WWOX: variants seen among roughly 807,000 people sequenced by gnomAD.
WWOX encodes the protein WW domain containing oxidoreductase.
Under a neutral mutation model 46.2 loss-of-function variants are expected in WWOX, and 69 were observed. The ratio of observed to expected loss-of-function variants is 1.49; its 90% CI spans 1.23 to 1.82. WWOX has a LOEUF of 1.82. Among genes scored for constraint, WWOX ranks in the 40% most tolerant of loss-of-function variants. WWOX has a pLI of 0.00. For synonymous variants in WWOX, 359 were observed against 202.6 expected (o/e 1.77, Z -6.56); for missense variants, 919 against 542.6 (o/e 1.69, Z -6.89).
intron 8 of WWOX, chr16:78,496,116 C>A (rs2738725): frequency 0.076 from 11,598 of 152,184 alleles, 462 homozygotes; most frequent in African/African-American, 0.087. Flanking sequence ...GCTTTACTGA[C>A]TGCCCTCATT....
chr16:78,472,961 C>T (rs1014467450), intron 8 of WWOX, among the ~76,000 whole-genome samples: 6 of 152,108 alleles, frequency 3.9e-5, no homozygotes, highest in African/African-American at 1.4e-4. Context: ...GCCCTTGGGC[C>T]AAATCTGATC....
chr16:78,847,072 T>C (rs1449212591), intron 8 of WWOX, among the ~76,000 whole-genome samples: 1 of 152,250 alleles, frequency 6.6e-6, no homozygotes, highest in African/African-American at 2.4e-5. Flanking sequence ...CACTTTCTTA[T>C]TTTTTGGCAC....
intron 6 of WWOX, among the ~76,000 whole-genome samples, chr16:78,403,785 C>A (rs1490977629): frequency 6.6e-6 from 1 of 152,196 alleles, no homozygotes; most frequent in Non-Finnish European, 1.5e-5. Flanking sequence ...TAGGCATTGT[C>A]AAGTAATTTA....
At chr16:79,071,774 C>G (rs976772471) in intron 8 of WWOX, among the ~76,000 whole-genome samples, 1 of 152,196 alleles carries the variant, frequency 6.6e-6, no homozygotes, top group Non-Finnish European at 1.5e-5. Context: ...ATGAGTGGCT[C>G]TGATTCAGAG....
At chr16:78,763,460 G>C (rs918755992) in intron 8 of WWOX, among the ~76,000 whole-genome samples, 1 of 152,186 alleles carries the variant, frequency 6.6e-6, no homozygotes, top group South Asian at 2.1e-4. Flanking sequence ...AGTCCAAAAA[G>C]ACATTGGCTC....
At chr16:78,204,810 G>A (rs1195288656) in intron 5 of WWOX, among the ~76,000 whole-genome samples, 1 of 152,182 alleles carries the variant, frequency 6.6e-6, no homozygotes, top group Non-Finnish European at 1.5e-5. Flanking sequence ...TGCATAGCAA[G>A]TCTGTGATGG....
intron 8 of WWOX, among the ~76,000 whole-genome samples, chr16:78,496,961 G>T (rs1031854194): frequency 1.3e-5 from 2 of 152,234 alleles, no homozygotes; most frequent in Non-Finnish European, 2.9e-5. Context: ...AGAATGAAAT[G>T]CTCAAATCAA....
At chr16:78,734,631 G>A (rs1277483501) in intron 8 of WWOX, among the ~76,000 whole-genome samples, 1 of 151,862 alleles carries the variant, frequency 6.6e-6, no homozygotes, top group Non-Finnish European at 1.5e-5. Flanking sequence ...GTCACAGGGT[G>A]CCCACATGTT....
chr16:78,919,562 A>T (rs1441647369), intron 8 of WWOX, among the ~76,000 whole-genome samples: 2 of 135,350 alleles, frequency 1.5e-5, no homozygotes, highest in African/African-American at 5.6e-5. Context: ...TCTGTCTGCC[A>T]GATGGAGCAC....
intron 8 of WWOX, among the ~76,000 whole-genome samples, chr16:78,840,287 G>T (rs1444036089): frequency 6.6e-6 from 1 of 152,138 alleles, no homozygotes; most frequent in Non-Finnish European, 1.5e-5. Flanking sequence ...TCTGTGCCTT[G>T]ATTTCTTTCA....
chr16:78,783,199 G>C (rs976066990), intron 8 of WWOX, among the ~76,000 whole-genome samples: 1 of 152,198 alleles, frequency 6.6e-6, no homozygotes, highest in African/African-American at 2.4e-5. Flanking sequence ...GATAATTGGA[G>C]ATACATGCAC....
At chr16:78,384,676 C>T (rs1044252503) in intron 5 of WWOX, among the ~76,000 whole-genome samples, 1 of 152,186 alleles carries the variant, frequency 6.6e-6, no homozygotes, top group African/African-American at 2.4e-5. Flanking sequence ...TTTCCTAGAT[C>T]AGGTTCATGT....
At chr16:79,054,395 G>C (rs554521134) in intron 8 of WWOX, among the ~76,000 whole-genome samples, 3 of 152,188 alleles carry the variant, frequency 2.0e-5, no homozygotes, top group Non-Finnish European at 4.4e-5. Context: ...TTGCATCCTA[G>C]AGGAGGAAAA....
chr16:78,638,588 G>C (rs529966502), intron 8 of WWOX, among the ~76,000 whole-genome samples: 73 of 152,304 alleles, frequency 4.8e-4, no homozygotes, highest in African/African-American at 1.7e-3. Flanking sequence ...AATGTGGATA[G>C]CAGTGCCACT....
chr16:78,484,314 A>G (rs1325922586), intron 8 of WWOX, among the ~76,000 whole-genome samples: 27 of 152,206 alleles, frequency 1.8e-4, no homozygotes, highest in Admixed American at 1.8e-3. Flanking sequence ...TTTTCATCTA[A>G]GACCCTTTTG....
intron 8 of WWOX, among the ~76,000 whole-genome samples, chr16:78,457,154 C>G (rs17719479): frequency 0.18 from 27,271 of 152,146 alleles, 3,345 homozygotes; most frequent in African/African-American, 0.34. Flanking sequence ...GTGTCTGCAC[C>G]CTTTTTTGTT....
chr16:78,533,616 C>A (rs556638243), intron 8 of WWOX, among the ~76,000 whole-genome samples: 20 of 152,218 alleles, frequency 1.3e-4, no homozygotes, highest in African/African-American at 4.8e-4. Flanking sequence ...CTAGAAAATC[C>A]TGGGCTGGCC....
chr16:78,132,439 T>C (rs1597246066), intron 4 of WWOX, among the ~76,000 whole-genome samples: 1 of 152,170 alleles, frequency 6.6e-6, no homozygotes, highest in East Asian at 1.9e-4. Context: ...CTTGAACAAA[T>C]GTGTGTATCT....
At chr16:79,021,500 A>G (rs2047532376) in intron 8 of WWOX, among the ~76,000 whole-genome samples, 2 of 152,230 alleles carry the variant, frequency 1.3e-5, no homozygotes, top group African/African-American at 2.4e-5. Context: ...GGGATCTAGT[A>G]ACAAATGTTC....
Sources: allele counts gnomAD v4.1 joint callset (sites outside exome capture counted in the v4.1 genomes callset), GRCh38; gene constraint gnomAD v4.1.1; transcripts MANE v1.5; gene names NCBI Gene and HGNC (gene_info 2026-07-23, HGNC 2026-07-21).